PRKAR1B: variants seen among roughly 807,000 people sequenced by gnomAD.
The protein encoded by PRKAR1B is cAMP-dependent protein kinase type I-beta regulatory subunit.
PRKAR1B carries 22 observed loss-of-function variants against 46.5 expected under a neutral mutation model. The ratio of observed to expected loss-of-function variants is 0.47; its 90% confidence interval spans 0.34 to 0.68. PRKAR1B has a LOEUF of 0.68. PRKAR1B is among the 30% of genes least tolerant of loss of function. PRKAR1B has a pLI of 0.01. For synonymous variants in PRKAR1B, 259 were observed against 217.7 expected (o/e 1.19, Z -1.67); for missense variants, 445 against 535.6 (o/e 0.83, Z 1.67).
At chr7:672,297 T>C (rs2128502470) in intron 4 of PRKAR1B, among the ~76,000 whole-genome samples, 1 of 152,116 alleles carries the variant, frequency 6.6e-6, no homozygotes, top group South Asian at 2.1e-4. Context: ...ATTACAGGCA[T>C]GCGCAACTGT....
chr7:684,011 C>T (rs573430667), intron 2 of PRKAR1B, among the ~76,000 whole-genome samples: 4 of 151,498 alleles, frequency 2.6e-5, no homozygotes, highest in African/African-American at 7.3e-5. Flanking sequence ...ACGCCTACCT[C>T]CACATGCACC....
intron 6 of PRKAR1B, 122 bp downstream of exon 6, chr7:606,071 A>C: frequency 1.1e-6 from 1 of 881,712 alleles, no homozygotes; most frequent in South Asian, 1.6e-5. Flanking sequence ...CTGGATTAAA[A>C]CACTAGGAAT....
At chr7:652,985 CA>C (rs1784991539) in intron 4 of PRKAR1B, among the ~76,000 whole-genome samples, 1 of 152,190 alleles carries the variant, frequency 6.6e-6, no homozygotes, top group Non-Finnish European at 1.5e-5. Context: ...TCAGGGATGC[CA>C]CTGGCCAGGA....
chr7:717,394 T>C (rs1432155906), intron 1 of PRKAR1B, among the ~76,000 whole-genome samples: 2 of 152,076 alleles, frequency 1.3e-5, no homozygotes, highest in Non-Finnish European at 2.9e-5. Flanking sequence ...TCGTGGCTCA[T>C]GCCTGCAATC....
At chr7:716,004 C>T (rs66724169) in intron 1 of PRKAR1B, among the ~76,000 whole-genome samples, 126,457 of 151,386 alleles carry the variant, frequency 0.84, 52,936 homozygotes, top group South Asian at 0.9. Context: ...CGTGAGCCAC[C>T]GCACCCGGCC....
At chr7:635,387 A>C (rs1298395796) in intron 4 of PRKAR1B, among the ~76,000 whole-genome samples, 1 of 151,910 alleles carries the variant, frequency 6.6e-6, no homozygotes, top group African/African-American at 2.4e-5. Flanking sequence ...CTCTGAAAAC[A>C]GGGGTCAGAG....
intron 7 of PRKAR1B, 62 bp from the exon 8 acceptor site, chr7:584,630 C>T (rs981148038): frequency 1.6e-5 from 22 of 1,409,904 alleles, no homozygotes; most frequent in African/African-American, 1.4e-4. Context: ...ATCATCCTGA[C>T]GTTTCCAGAT....
intron 9 of PRKAR1B, among the ~76,000 whole-genome samples, chr7:553,291 G>A (rs965093710): frequency 6.6e-6 from 1 of 152,228 alleles, no homozygotes; most frequent in Non-Finnish European, 1.5e-5. Context: ...AGGTGTTGAT[G>A]AATGTAGCTC....
In PRKAR1B at chr7:720,152, G is replaced by GTTCAAGTGATTCTCCTGCC. The variant is rs1280866118; in HGVS notation, c.-23+7039_-23+7057dup. On this transcript the variant is annotated intron_variant, in intron 1 of 10. Transcript: ENST00000537384. ...GCTCACTTCAACCTCCGCCTCCTGGGTTCAAGTGATTCTCCTGCCTCAGCC... is the reference window on the plus strand; with the variant it reads ...GCTCACTTCAACCTCCGCCTCCTGGGTTCAAGTGATTCTCCTGCCTTCAAGTGATTCTCCTGCCTCAGCC... Among the ~76,000 whole-genome samples the GTTCAAGTGATTCTCCTGCC allele has an allele frequency of 1.3e-3, 203 of 151,314 alleles. 2 individuals carry two copies. Among genetic ancestry groups the GTTCAAGTGATTCTCCTGCC allele is most frequent in the Non-Finnish European group, 2.1e-3 (140 of 67,890 alleles).
intron 7 of PRKAR1B, among the ~76,000 whole-genome samples, chr7:591,333 AAG>A (rs1491422246): frequency 4.3e-4 from 65 of 152,204 alleles, no homozygotes; most frequent in Non-Finnish European, 4.7e-4. Context: ...CGGCATCCCC[AAG>A]GGGGGCTTTG....
chr7:674,326 G>A (rs1392627067), intron 4 of PRKAR1B, among the ~76,000 whole-genome samples: 1 of 151,912 alleles, frequency 6.6e-6, no homozygotes, highest in African/African-American at 2.4e-5. Context: ...TCCATGCTTA[G>A]ATACTCCAGC....
At chr7:646,976 GC>G (rs1784649743) in intron 4 of PRKAR1B, among the ~76,000 whole-genome samples, 1 of 152,150 alleles carries the variant, frequency 6.6e-6, no homozygotes, top group African/African-American at 2.4e-5. Context: ...GGGTGACACT[GC>G]CCCCCACTCC....
intron 4 of PRKAR1B, among the ~76,000 whole-genome samples, chr7:621,796 G>A (rs1224420607): frequency 6.6e-6 from 1 of 151,946 alleles, no homozygotes; most frequent in Admixed American, 6.5e-5. Context: ...AATGGGCACA[G>A]TAACACTCTC....
chr7:637,333 C>A (rs1346572329), intron 4 of PRKAR1B, among the ~76,000 whole-genome samples: 2 of 152,088 alleles, frequency 1.3e-5, no homozygotes, highest in Non-Finnish European at 2.9e-5. Context: ...GGGAGAATCG[C>A]TTGAACCAGG....
chr7:709,080 C>T (rs1489002877), intron 2 of PRKAR1B, among the ~76,000 whole-genome samples: 1 of 137,298 alleles, frequency 7.3e-6, no homozygotes, highest in African/African-American at 2.8e-5. Context: ...TGTGAGCCAC[C>T]GCACCCACCA....
At chr7:681,965 C>T (rs1261878656) in intron 2 of PRKAR1B, among the ~76,000 whole-genome samples, 1 of 152,114 alleles carries the variant, frequency 6.6e-6, no homozygotes, top group Non-Finnish European at 1.5e-5. Context: ...GGTCTGAGGA[C>T]ACACCGGGCC....
chr7:631,114 G>A (rs1783713147), intron 4 of PRKAR1B, among the ~76,000 whole-genome samples: 1 of 152,022 alleles, frequency 6.6e-6, no homozygotes, highest in South Asian at 2.1e-4. Context: ...CCAATCCCGG[G>A]TAATTTTTGT....
intron 4 of PRKAR1B, among the ~76,000 whole-genome samples, chr7:612,427 C>A (rs113852291): frequency 2.0e-5 from 3 of 148,150 alleles, no homozygotes; most frequent in Non-Finnish European, 1.5e-5. Flanking sequence ...GGTGGATGAA[C>A]AGGTGTGTGA....
At chr7:676,239 A>G (rs566834167) in intron 4 of PRKAR1B, among the ~76,000 whole-genome samples, 2 of 152,240 alleles carry the variant, frequency 1.3e-5, no homozygotes, top group Non-Finnish European at 2.9e-5. Context: ...CAATTTTTCC[A>G]ATTATGTCTA....
Sources: gnomAD v4.1 joint callset for allele counts (sites outside exome capture counted in the v4.1 genomes callset) on GRCh38, gnomAD v4.1.1 for gene constraint, MANE v1.5 for transcripts, NCBI Gene and HGNC (gene_info 2026-07-23, HGNC 2026-07-21) for gene names.